The following UAP1 variants were observed in gnomAD, a reference collection of about 807,000 sequenced individuals.
UAP1 encodes UDP-N-acetylhexosamine pyrophosphorylase.
In UAP1, 25 loss-of-function variants were observed where a neutral mutation model predicts 58.5. The ratio of observed to expected loss-of-function variants is 0.43; its 90% CI spans 0.31 to 0.60. UAP1 has a LOEUF of 0.60. UAP1 is among the 20% of genes least tolerant of loss of function. The pLI, the probability that UAP1 is intolerant of heterozygous loss-of-function variation, is 0.11. For missense variants in UAP1, 575 were observed against 630.0 expected (o/e 0.91, Z 0.93); for synonymous variants, 208 against 213.0 (o/e 0.98, Z 0.21).
At chr1:162,562,429 G>A (rs1653208703) in intron 1 of UAP1, 1 of 151,770 alleles carries the variant, frequency 6.6e-6, no homozygotes, top group Non-Finnish European at 1.5e-5. Context: ...CTGGTAGTGA[G>A]AGAGAATTGA....
intron 5 of UAP1, among the ~76,000 whole-genome samples, chr1:162,583,855 G>A (rs936068570): frequency 1.1e-4 from 16 of 151,476 alleles, no homozygotes; most frequent in African/African-American, 3.9e-4. Context: ...GCCTAGGCTG[G>A]TCTTGAACTT....
exon 2 of UAP1, chr1:162,566,337 G>T: frequency 1.2e-6 from 2 of 1,613,110 alleles, no homozygotes; most frequent in Middle Eastern, 1.7e-4. Context: ...CTCCAGGCCT[G>T]GGAAAGTGAA....
At chr1:162,591,706 G>A (rs533055588) in intron 8 of UAP1, among the ~76,000 whole-genome samples, 12 of 151,782 alleles carry the variant, frequency 7.9e-5, no homozygotes, top group Admixed American at 2.6e-4. Flanking sequence ...GGCTAGTCCC[G>A]AAATCCTGAC....
At chr1:162,581,358 T>G in exon 5 of UAP1, 1 of 1,614,092 alleles carries the variant, frequency 6.2e-7, no homozygotes. Flanking sequence ...AAGAGGCATT[T>G]GGAGCATTCA....
intron 1 of UAP1, among the ~76,000 whole-genome samples, chr1:162,563,645 G>C (rs1653314170): frequency 1.3e-5 from 2 of 152,218 alleles, no homozygotes; most frequent in South Asian, 4.1e-4. Context: ...TTACAGGCGT[G>C]AGCCACCGCG....
At chr1:162,591,614 T>A (rs1655313910) in intron 8 of UAP1, among the ~76,000 whole-genome samples, 2 of 150,862 alleles carry the variant, frequency 1.3e-5, no homozygotes, top group South Asian at 4.2e-4. Flanking sequence ...GCCTCCCAAG[T>A]AGCTGGGGTT....
Position 162,581,465 on chromosome 1 carries a change from G to A in UAP1, c.834+6G>A. 1.9e-6 allele frequency: 3 copies of A among 1,612,098 alleles called. No individual in the cohort carries two copies. Among genetic ancestry groups the A allele is most frequent in the Non-Finnish European group, 2.5e-6 (3 of 1,178,876 alleles). The stretch of plus-strand genomic sequence containing the variant: ...GAGCAGACTGTGGAGCAAAGGTAAT[G>A]CCTTTCTCAACTATGGTGAGGCTTT... On this transcript the variant is annotated splice_donor_region_variant and intron_variant, in intron 5 of 10. Coordinates refer to ENST00000271469, the Ensembl canonical transcript of UAP1.
chr1:162,581,272 T>C lies in UAP1; in HGVS notation c.662-15T>C, dbSNP rs1428712988. 1.2e-6 allele frequency: 2 copies of C among 1,605,710 alleles called. No homozygotes were observed. On this transcript the variant is annotated splice_polypyrimidine_tract_variant and intron_variant, in intron 4 of 10. Transcript: ENST00000271469. ...GGATTTTGATATGCTACTAATGGGC[T>C]ATTTTGTTTTCCAGATGGGAATGGT...
At chr1:162,592,836 A>G (rs2101834346) in intron 9 of UAP1, 54 bp downstream of exon 9, 4 of 1,461,918 alleles carry the variant, frequency 2.7e-6, no homozygotes, top group South Asian at 2.4e-5. Context: ...GCTTCCCTCC[A>G]TACTAACTGG....
At chr1:162,577,672 C>T (rs528545639) in intron 3 of UAP1, among the ~76,000 whole-genome samples, 13 of 151,452 alleles carry the variant, frequency 8.6e-5, no homozygotes, top group African/African-American at 2.9e-4. Context: ...AGTGCAGTGG[C>T]GCGATTTCGG....
At chr1:162,600,223 C>G (rs1386606108), downstream of UAP1, among the ~76,000 whole-genome samples, 1 of 152,112 alleles carries the variant, frequency 6.6e-6, no homozygotes, top group African/African-American at 2.4e-5. Flanking sequence ...GGTCGAGAAG[C>G]CTTGTTTCAA....
At chr1:162,593,044 C>T (rs552151664) in intron 9 of UAP1, 192 of 515,160 alleles carry the variant, frequency 3.7e-4, no homozygotes, top group Middle Eastern at 3.1e-3. Context: ...GACAGATTTT[C>T]AGATGATAGG....
chr1:162,572,200 GA>G (rs749521275), intron 2 of UAP1, among the ~76,000 whole-genome samples: 4 of 152,214 alleles, frequency 2.6e-5, no homozygotes, highest in Non-Finnish European at 5.9e-5. Flanking sequence ...AAGCACTAAA[GA>G]GCGAACAGGA....
intron 5 of UAP1, among the ~76,000 whole-genome samples, chr1:162,582,378 G>T (rs1654644052): frequency 6.6e-6 from 1 of 152,164 alleles, no homozygotes. Flanking sequence ...AAAAGGAATT[G>T]TAAATTAAAA....
intron 2 of UAP1, 143 bp downstream of exon 2, chr1:162,566,491 T>A: frequency 2.4e-6 from 2 of 829,258 alleles, no homozygotes; most frequent in Non-Finnish European, 1.8e-6. Flanking sequence ...ATTGTCTTTT[T>A]ATTTTTGATG....
At chr1:162,580,075 T>C (rs914040403) in intron 4 of UAP1, among the ~76,000 whole-genome samples, 1 of 152,086 alleles carries the variant, frequency 6.6e-6, no homozygotes, top group African/African-American at 2.4e-5. Context: ...CCATGTTGGC[T>C]AGGCTGGTCT....
chr1:162,571,360 C>G (rs969722882), intron 2 of UAP1, among the ~76,000 whole-genome samples: 2 of 152,158 alleles, frequency 1.3e-5, no homozygotes, highest in Admixed American at 1.3e-4. Flanking sequence ...GAACTCCTGA[C>G]CTCAAGTGAT....
chr1:162,581,980 G>T (rs1287122660), intron 5 of UAP1, among the ~76,000 whole-genome samples: 4 of 152,148 alleles, frequency 2.6e-5, no homozygotes, highest in African/African-American at 9.7e-5. Flanking sequence ...TTGGAGGGAG[G>T]TTTGTAATGA....
intron 5 of UAP1, among the ~76,000 whole-genome samples, chr1:162,585,236 C>T (rs573328357): frequency 6.6e-6 from 1 of 150,702 alleles, no homozygotes; most frequent in East Asian, 2.0e-4. Context: ...TTGAGTACAC[C>T]TTTTAAGTTT....
Sources: allele counts gnomAD v4.1 joint callset (sites outside exome capture counted in the v4.1 genomes callset), GRCh38; gene constraint gnomAD v4.1.1; transcripts MANE v1.5; gene names NCBI Gene and HGNC (gene_info 2026-07-23, HGNC 2026-07-21).